The following VPS54 variants were observed in gnomAD, a reference collection of about 807,000 sequenced individuals.
The protein encoded by VPS54 is vacuolar protein sorting-associated protein 54.
Under a neutral mutation model 121.5 loss-of-function variants are expected in VPS54, and 45 were observed. That is an observed-to-expected ratio of 0.37 (90% CI 0.29 to 0.47). The LOEUF is 0.47. Among genes scored for constraint, VPS54 ranks in the 20% least tolerant of loss-of-function variants. The pLI, the probability that VPS54 is intolerant of heterozygous loss-of-function variation, is 0.99. For synonymous variants in VPS54, 371 were observed against 385.8 expected, an observed-to-expected ratio of 0.96 and a Z score of 0.45; for missense variants, 1,090 against 1,131.4, an observed-to-expected ratio of 0.96 and a Z score of 0.52.
chr2:63,943,605 T>C (rs1674836529), intron 10 of VPS54, among the ~76,000 whole-genome samples: 1 of 152,210 alleles, frequency 6.6e-6, no homozygotes, highest in African/African-American at 2.4e-5. Flanking sequence ...TTGCTAGTCA[T>C]ATCTAAGCCA....
intron 12 of VPS54, among the ~76,000 whole-genome samples, chr2:63,924,056 G>A (rs1003551999): frequency 2.0e-5 from 3 of 152,210 alleles, no homozygotes; most frequent in Non-Finnish European, 4.4e-5. Flanking sequence ...GCTTCATGCT[G>A]TAGGAGGATG....
rs367598290 is a variant in VPS54, at chr2:63,905,309, G to A, written c.2626-5728C>T. Among the ~76,000 whole-genome samples the A allele has an allele frequency of 4.1e-3, 624 of 152,146 alleles. 1 individual carries two copies. The highest frequency in any genetic ancestry group is 0.021 in the Middle Eastern group (6 of 292). On this transcript the variant is annotated intron_variant, in intron 20 of 22. Transcript: ENST00000272322. ...TTCTAGCCAGAAAGGGGGAGGTGAGGAAGACTTTATAAATTAACATCATTA... is the reference window on the plus strand; with the variant it reads ...TTCTAGCCAGAAAGGGGGAGGTGAGAAAGACTTTATAAATTAACATCATTA...
At chr2:63,999,095 G>A (rs1438686729) in intron 1 of VPS54, among the ~76,000 whole-genome samples, 2 of 151,908 alleles carry the variant, frequency 1.3e-5, no homozygotes, top group Non-Finnish European at 2.9e-5. Context: ...TACAGGCATG[G>A]ACTATCTATC....
Position 63,892,782 on chromosome 2 carries a change from TAG to T in VPS54, c.*646_*647del, listed in dbSNP as rs950913337. ...AAAAGGCTTAAGTCTTTCAGGTATT[TAG>T]AGAGCTCTGGAAGGCTTTACCCAGT... On this transcript the variant is annotated 3_prime_UTR_variant, in exon 23 of 23. Transcript: ENST00000272322. 3 of 152,388 alleles carry T rather than the reference TAG, an allele frequency of 2.0e-5. No homozygotes were observed. The highest frequency in any genetic ancestry group is 4.8e-5 in the African/African-American group (2 of 41,428). The allele number at this position is 152,388 out of a possible 1,614,324, so 9.4% of individuals were successfully genotyped here.
chr2:63,985,132 C>T (rs1263983172), intron 1 of VPS54, among the ~76,000 whole-genome samples: 2 of 152,056 alleles, frequency 1.3e-5, no homozygotes, highest in Non-Finnish European at 2.9e-5. Context: ...CCAGCCTGAA[C>T]GACATGATGA....
chr2:63,978,947 T>C lies in VPS54; in HGVS notation c.378+2699A>G, dbSNP rs546683649. ...ATTATCTATTTTTTCTCGAAAGAGA[T>C]TTGGTATTTTGTGTCATTCAAGAAA... is the stretch of plus-strand genomic sequence containing the variant. On this transcript the variant is annotated intron_variant, in intron 3 of 22. Coordinates refer to ENST00000272322, the MANE Select transcript of VPS54 (RefSeq NM_016516.3). Among the ~76,000 whole-genome samples the C allele has an allele frequency of 8.5e-4, 130 of 152,236 alleles. 1 individual carries two copies. In the South Asian group the frequency reaches 0.013, roughly 15 times the overall value.
At chr2:64,005,815 A>G (rs564915221) in intron 1 of VPS54, among the ~76,000 whole-genome samples, 1 of 152,310 alleles carries the variant, frequency 6.6e-6, no homozygotes, top group South Asian at 2.1e-4. Context: ...TTCCCCATCT[A>G]AAGTTCACAG....
chr2:63,968,975 A>C lies in VPS54; in HGVS notation c.474T>G (p.Asp158Glu). The part of the protein sequence containing the change: ...LLHTHDKSRT[D>E]LEQVPKIFMK... ...TTGTTACCTTAGGTACTTGCTCCAG[A>C]TCTGTCCTGGATTTATCTATTTAAA... The change falls in exon 5 of 23, where the codon GAT (aspartate) becomes GAG (glutamate). Residue 158 changes from aspartate (D) to glutamate (E), a missense_variant. Physicochemically the swap from Asp to Glu is conservative, Grantham distance 45. Around this residue, in one of 2 missense-constraint regions of VPS54, gnomAD observed 801 missense variants for 757.0 expected, o/e 1.06. Coordinates refer to ENST00000272322, the MANE Select transcript of VPS54 (RefSeq NM_016516.3). 1 of 1,605,536 alleles carries C rather than the reference A, an allele frequency of 6.2e-7. No individual in the cohort carries two copies. The highest frequency in any genetic ancestry group is 2.2e-5 in the East Asian group (1 of 44,804).
At chr2:63,944,547 A>C in intron 10 of VPS54, 53 bp downstream of exon 10, 5 of 1,476,484 alleles carry the variant, frequency 3.4e-6, no homozygotes. Context: ...TCTAATTTAC[A>C]TCTATCATCT....
rs764574627 is a variant in VPS54 at position 63,933,968 on chromosome 2, T to C, written c.1444A>G (p.Lys482Glu). 1.2e-6 allele frequency: 2 copies of C among 1,613,564 alleles called. No homozygotes were observed. The highest frequency in any genetic ancestry group is 2.2e-5 in the East Asian group (1 of 44,862). Residue 482 changes from lysine (K) to glutamate (E), a missense_variant, in exon 12 of 23, where the codon AAA (lysine) becomes GAA (glutamate). Transcript: ENST00000272322. The part of the protein sequence containing the change: ...IHSVVLSVLD[K>E]NQRTRELEEI... ...TCCAATTCTCTAGTCCTTTGGTTTT[T>C]GTCAAGAACTGAGAGAACAACACTG...
intron 7 of VPS54, among the ~76,000 whole-genome samples, chr2:63,960,803 A>G (rs1675734113): frequency 6.6e-6 from 1 of 152,252 alleles, no homozygotes; most frequent in Non-Finnish European, 1.5e-5. Flanking sequence ...AATTAAAAAT[A>G]ATTTAGTTGC....
At chr2:63,985,930 G>A (rs1231787710) in intron 1 of VPS54, among the ~76,000 whole-genome samples, 1 of 152,042 alleles carries the variant, frequency 6.6e-6, no homozygotes, top group Non-Finnish European at 1.5e-5. Flanking sequence ...TTATCTAAAG[G>A]ATAATACACA....
At chr2:63,908,723 A>C (rs1416994016) in intron 20 of VPS54, among the ~76,000 whole-genome samples, 1 of 152,212 alleles carries the variant, frequency 6.6e-6, no homozygotes, top group African/African-American at 2.4e-5. Context: ...GTCAATATTT[A>C]CTAGAACTTG....
At chr2:63,900,368 T>C (rs1334964515) in intron 20 of VPS54, among the ~76,000 whole-genome samples, 2 of 152,226 alleles carry the variant, frequency 1.3e-5, no homozygotes, top group Non-Finnish European at 2.9e-5. Context: ...AGGATTTTTT[T>C]CAGCAATGTT....
chr2:63,958,116 T>C (rs1675585665), intron 7 of VPS54, among the ~76,000 whole-genome samples: 1 of 152,178 alleles, frequency 6.6e-6, no homozygotes, highest in Admixed American at 6.5e-5. Flanking sequence ...CATATTAAGA[T>C]GTGTACAACA....
rs1387248111 is a variant in VPS54 at position 63,914,495 on chromosome 2, T to G, written c.2229-208A>C. 3.3e-5 allele frequency among the ~76,000 whole-genome samples: 5 copies of G among 152,166 alleles called. No homozygotes were observed. The South Asian group carries it at 8.3e-4, about 25-fold the overall frequency. On this transcript the variant is annotated intron_variant, in intron 16 of 22. Transcript: ENST00000272322. ...AGAGAGGTGTCTAGAATGCAAAATTTAAAGAGGCTCTTACTCTGTGCAATT... is the reference window on the plus strand; with the variant it reads ...AGAGAGGTGTCTAGAATGCAAAATTGAAAGAGGCTCTTACTCTGTGCAATT...
chr2:64,016,201 C>A (rs147552330), intron 1 of VPS54, among the ~76,000 whole-genome samples: 1 of 152,156 alleles, frequency 6.6e-6, no homozygotes, highest in Non-Finnish European at 1.5e-5. Flanking sequence ...TTATTGATTC[C>A]GAGCTGACCA....
intron 1 of VPS54, among the ~76,000 whole-genome samples, chr2:64,016,878 G>A (rs1327701289): frequency 6.6e-6 from 1 of 151,870 alleles, no homozygotes; most frequent in Non-Finnish European, 1.5e-5. Flanking sequence ...CAAAGTGGTG[G>A]GATTACAGGT....
rs141157734 is a variant in VPS54 at position 63,965,538 on chromosome 2, T to C, written c.624+297A>G. ...ATGTAAATAAAATATCTGGGACAAATGCAAAGCAATTTATTGTGTTAGCTA... is the reference window on the plus strand; with the variant it reads ...ATGTAAATAAAATATCTGGGACAAACGCAAAGCAATTTATTGTGTTAGCTA... On this transcript the variant is annotated intron_variant, in intron 6 of 22. Transcript: ENST00000272322. Among the ~76,000 whole-genome samples the C allele has an allele frequency of 1.1e-3, 171 of 152,304 alleles. 1 individual carries two copies. Among genetic ancestry groups the C allele is most frequent in the Admixed American group, 2.9e-3 (45 of 15,298 alleles).
Sources: allele counts gnomAD v4.1 joint callset (sites outside exome capture counted in the v4.1 genomes callset), GRCh38; gene constraint gnomAD v4.1.1; regional missense constraint gnomAD v4.1.1; transcripts MANE v1.5; gene names NCBI Gene and HGNC (gene_info 2026-07-23, HGNC 2026-07-21).